The following UBA2 variants were observed in gnomAD, a reference collection of about 807,000 sequenced individuals.
UBA2 encodes the protein SUMO-activating enzyme subunit 2.
In UBA2, 11 loss-of-function variants were observed where a neutral mutation model predicts 77.2. The observed-to-expected ratio is 0.14, with a 90% CI of 0.09 to 0.24. The LOEUF is 0.24. Among genes scored for constraint, UBA2 ranks in the 10% least tolerant of loss-of-function variants. The pLI is 1.00. For missense variants in UBA2, 487 were observed against 781.7 expected (o/e 0.62, Z 4.50); for synonymous variants, 278 against 276.7 (o/e 1.00, Z -0.05).
chr19:34,455,962 T>A (rs2075554002), intron 12 of UBA2, among the ~76,000 whole-genome samples: 1 of 151,434 alleles, frequency 6.6e-6, no homozygotes, highest in East Asian at 1.9e-4. Flanking sequence ...TTTTTTAAAC[T>A]GATGGGGTCT....
intron 12 of UBA2, among the ~76,000 whole-genome samples, chr19:34,458,477 G>A (rs977951144): frequency 6.8e-6 from 1 of 146,344 alleles, no homozygotes; most frequent in African/African-American, 2.5e-5. Context: ...GGAGAATGGC[G>A]TGAACCCCAG....
At chr19:34,429,227 C>T in intron 1 of UBA2, 2 of 985,414 alleles carry the variant, frequency 2.0e-6, no homozygotes, top group African/African-American at 3.5e-5. Flanking sequence ...GTAGACGGTA[C>T]ACTCGCTTGT....
At chr19:34,465,263 A>G (rs986910299) in intron 15 of UBA2, among the ~76,000 whole-genome samples, 5 of 152,154 alleles carry the variant, frequency 3.3e-5, no homozygotes, top group African/African-American at 7.2e-5. Flanking sequence ...CAATATTTTC[A>G]TGAGTATACA....
intron 9 of UBA2, among the ~76,000 whole-genome samples, chr19:34,450,857 A>G (rs541669819): frequency 1.8e-4 from 26 of 146,638 alleles, no homozygotes; most frequent in Middle Eastern, 3.7e-3. Flanking sequence ...CTCCCGCCTC[A>G]GCCTCCCGAG....
chr19:34,451,270 T>G (rs184282106), intron 9 of UBA2, among the ~76,000 whole-genome samples: 28 of 152,296 alleles, frequency 1.8e-4, no homozygotes, highest in African/African-American at 6.7e-4. Context: ...AGGATTAATT[T>G]ATGCACAGCA....
chr19:34,430,261 T>C (rs902605873), intron 1 of UBA2: 4 of 230,854 alleles, frequency 1.7e-5, no homozygotes, highest in South Asian at 9.2e-5. Context: ...ACAGCACATA[T>C]AGTTTTAATG....
intron 5 of UBA2, among the ~76,000 whole-genome samples, chr19:34,437,532 C>A (rs995502516): frequency 6.6e-6 from 1 of 151,768 alleles, no homozygotes; most frequent in African/African-American, 2.4e-5. Flanking sequence ...ATCACTTGAA[C>A]CCGGGAGGCA....
intron 8 of UBA2, among the ~76,000 whole-genome samples, chr19:34,449,120 A>G (rs1163908673): frequency 1.6e-5 from 2 of 122,458 alleles, no homozygotes; most frequent in Non-Finnish European, 3.1e-5. Flanking sequence ...GCCAGGCTGG[A>G]GTGCAGTGGT....
intron 16 of UBA2, 31 bp from the exon 17 acceptor site, chr19:34,469,009 C>A: frequency 6.4e-7 from 1 of 1,569,428 alleles, no homozygotes; most frequent in South Asian, 1.2e-5. Context: ...CGCTTTTACC[C>A]ATTTTCTTTT....
intron 10 of UBA2, among the ~76,000 whole-genome samples, chr19:34,452,885 A>G (rs2075517291): frequency 6.6e-6 from 1 of 152,250 alleles, no homozygotes; most frequent in African/African-American, 2.4e-5. Flanking sequence ...TAGTATATTT[A>G]GATTCTTGGG....
intron 14 of UBA2, among the ~76,000 whole-genome samples, chr19:34,462,593 C>A (rs1342728482): frequency 6.6e-6 from 1 of 151,682 alleles, no homozygotes; most frequent in Non-Finnish European, 1.5e-5. Context: ...GAAAGGCGTT[C>A]TAAGCGTTTT....
intron 12 of UBA2, among the ~76,000 whole-genome samples, chr19:34,456,856 C>G (rs1434802144): frequency 2.6e-5 from 4 of 151,998 alleles, no homozygotes; most frequent in Non-Finnish European, 5.9e-5. Context: ...CCGTTCCTGG[C>G]CGATACCCAG....
chr19:34,449,479 T>G (rs1160355607), intron 8 of UBA2, among the ~76,000 whole-genome samples: 1 of 152,210 alleles, frequency 6.6e-6, no homozygotes, highest in African/African-American at 2.4e-5. Context: ...ATTGATGGAT[T>G]AAGTATATTT....
At chr19:34,429,479 ATAAAACT>A (rs1227260718) in intron 1 of UBA2, among the ~76,000 whole-genome samples, 1 of 152,190 alleles carries the variant, frequency 6.6e-6, no homozygotes, top group Non-Finnish European at 1.5e-5. Context: ...CAAAAATTAG[ATAAAACT>A]TAAAACATGA....
In UBA2 at chr19:34,450,409, C is replaced by G. The variant is rs1183343466; in HGVS notation, c.871+45C>G. The G allele has an allele frequency of 2.2e-6, 3 of 1,392,228 alleles. No homozygotes were observed. In the African/African-American group the frequency reaches 4.4e-5, roughly 20 times the overall value. 86.2% of individuals were successfully genotyped at this position (1,392,228 alleles called of 1,614,324 possible). A position where few individuals can be genotyped will look rare whatever the true frequency, so the allele number is the denominator to read the frequency against. On this transcript the variant is annotated intron_variant, in intron 9 of 16. Coordinates refer to ENST00000246548, the MANE Select transcript of UBA2 (RefSeq NM_005499.3). ...CTTGGAACACCTAAGCTGGAAATATCCTCGCGTAAAGTCTTTGTATAGCCC... is the reference window on the plus strand; with the variant it reads ...CTTGGAACACCTAAGCTGGAAATATGCTCGCGTAAAGTCTTTGTATAGCCC...
chr19:34,458,951 CCTTTTG>C, intron 13 of UBA2, 27 bp downstream of exon 13: 1 of 1,600,962 alleles, frequency 6.2e-7, no homozygotes, highest in Non-Finnish European at 8.5e-7. Context: ...GGTCTCTTTT[CCTTTTG>C]CTTTTACAGT....
intron 16 of UBA2, among the ~76,000 whole-genome samples, chr19:34,467,761 CCAAA>C (rs1196329947): frequency 2.0e-5 from 3 of 152,142 alleles, no homozygotes; most frequent in Admixed American, 2.0e-4. Flanking sequence ...GCTTCCGGCT[CCAAA>C]CAAACAAGTC....
intron 8 of UBA2, among the ~76,000 whole-genome samples, chr19:34,446,406 T>C (rs1273961250): frequency 1.3e-5 from 2 of 152,218 alleles, no homozygotes; most frequent in East Asian, 3.8e-4. Context: ...TGTGGTGTTT[T>C]GCTTTCCTTT....
chr19:34,430,370 A>C (rs1444310125), intron 1 of UBA2, among the ~76,000 whole-genome samples: 5 of 152,242 alleles, frequency 3.3e-5, no homozygotes, highest in Admixed American at 3.3e-4. Flanking sequence ...ATTTTTGAGA[A>C]GTTTATCTCT....
Sources: gnomAD v4.1 joint callset for allele counts (sites outside exome capture counted in the v4.1 genomes callset) on GRCh38, gnomAD v4.1.1 for gene constraint, MANE v1.5 for transcripts, NCBI Gene and HGNC (gene_info 2026-07-23, HGNC 2026-07-21) for gene names.